Variants in CDH8 observed in about 807,000 individuals in gnomAD.
The protein encoded by CDH8 is cadherin-8.
CDH8 carries 17 observed loss-of-function variants against 68.1 expected under a neutral mutation model. The ratio of observed to expected loss-of-function variants is 0.25; its 90% CI spans 0.17 to 0.37. The LOEUF is 0.37. CDH8 is among the 10% of genes least tolerant of loss of function. The pLI, the probability that CDH8 is intolerant of heterozygous loss-of-function variation, is 1.00. For synonymous variants in CDH8, 372 were observed against 365.1 expected, an observed-to-expected ratio of 1.02 and a Z score of -0.21; for missense variants, 763 against 999.3, an observed-to-expected ratio of 0.76 and a Z score of 3.19.
At chr16:61,797,328 TC>T (rs1472152942) in intron 7 of CDH8, among the ~76,000 whole-genome samples, 1 of 152,096 alleles carries the variant, frequency 6.6e-6, no homozygotes, top group Non-Finnish European at 1.5e-5. Flanking sequence ...TCATTTTTAC[TC>T]CCTGTGACTC....
intron 2 of CDH8, among the ~76,000 whole-genome samples, chr16:61,937,463 C>T (rs549372659): frequency 1.3e-3 from 192 of 152,198 alleles, no homozygotes; most frequent in African/African-American, 4.5e-3. Flanking sequence ...GTCTTAATGC[C>T]GGACATCAGC....
intron 2 of CDH8, among the ~76,000 whole-genome samples, chr16:61,918,887 C>A (rs1030740270): frequency 1.7e-4 from 25 of 150,786 alleles, no homozygotes; most frequent in African/African-American, 6.1e-4. Context: ...AAAAAGACAG[C>A]AGTAACCTCT....
chr16:61,870,321 C>A (rs866743973), intron 3 of CDH8, among the ~76,000 whole-genome samples: 1 of 151,894 alleles, frequency 6.6e-6, no homozygotes, highest in African/African-American at 2.4e-5. Context: ...GTTCGCCAGG[C>A]GGAAAGAAAA....
At chr16:61,919,259 TCTC>T (rs1964315751) in intron 2 of CDH8, among the ~76,000 whole-genome samples, 1 of 147,662 alleles carries the variant, frequency 6.8e-6, no homozygotes, top group African/African-American at 2.5e-5. Flanking sequence ...GCAGAGCGCC[TCTC>T]CTCCTCCAAA....
chr16:61,891,776 T>C (rs1963783275), intron 3 of CDH8, among the ~76,000 whole-genome samples: 1 of 152,158 alleles, frequency 6.6e-6, no homozygotes, highest in South Asian at 2.1e-4. Flanking sequence ...CCCACCCATG[T>C]TTTCCTAAAG....
rs115782450 is a variant in CDH8, at chr16:61,682,848, G to A, written c.1655-27127C>T. ...TTTAAAGTGAAGGTTTAAGTGATTCGTTTTAACATTCCCAACCAATAACTA... is the reference window on the plus strand; with the variant it reads ...TTTAAAGTGAAGGTTTAAGTGATTCATTTTAACATTCCCAACCAATAACTA... On this transcript the variant is annotated intron_variant, in intron 10 of 11. Coordinates refer to ENST00000577390, the MANE Select transcript of CDH8 (RefSeq NM_001796.5). Among the ~76,000 whole-genome samples the A allele has an allele frequency of 9.6e-3, 1,451 of 151,814 alleles. 28 individuals are homozygous for A. The highest frequency in any genetic ancestry group is 0.033 in the African/African-American group (1,374 of 41,396).
intron 9 of CDH8, among the ~76,000 whole-genome samples, chr16:61,717,872 C>T (rs1964760326): frequency 6.6e-6 from 1 of 151,404 alleles, no homozygotes; most frequent in African/African-American, 2.4e-5. Context: ...CATTTATCCT[C>T]ACAATACCTT....
chr16:61,663,159 A>G lies in CDH8; in HGVS notation c.1655-7438T>C, dbSNP rs534383628. On this transcript the variant is annotated intron_variant, in intron 10 of 11. Coordinates refer to ENST00000577390, the MANE Select transcript of CDH8 (RefSeq NM_001796.5). ...AGAAATACAAGGTATGTGCCAAGTA[A>G]ATAGTAAAGAAGAGACCAAATGAAC... Among the ~76,000 whole-genome samples, 7 of 152,114 alleles carry G rather than the reference A, an allele frequency of 4.6e-5. No homozygotes were observed. In the East Asian group the frequency reaches 1.4e-3, roughly 29 times the overall value.
At chr16:61,773,846 T>C (rs1169983463) in intron 8 of CDH8, among the ~76,000 whole-genome samples, 1 of 152,080 alleles carries the variant, frequency 6.6e-6, no homozygotes, top group African/African-American at 2.4e-5. Flanking sequence ...CCTTGTCCTA[T>C]AGAGGCTCTA....
At chr16:61,772,848 C>T (rs762367666) in intron 8 of CDH8, among the ~76,000 whole-genome samples, 8 of 151,936 alleles carry the variant, frequency 5.3e-5, no homozygotes, top group East Asian at 3.9e-4. Context: ...GTGATTCTGA[C>T]GCACCAAAAA....
intron 8 of CDH8, among the ~76,000 whole-genome samples, chr16:61,779,456 TGTGTGTGTGC>T (rs979485845): frequency 6.7e-6 from 1 of 149,552 alleles, no homozygotes; most frequent in African/African-American, 2.5e-5. Context: ...TGTGTGTGTG[TGTGTGTGTGC>T]GCGCATGGTG....
chr16:61,917,622 A>G (rs1397653535), intron 2 of CDH8, among the ~76,000 whole-genome samples: 1 of 152,186 alleles, frequency 6.6e-6, no homozygotes, highest in Admixed American at 6.5e-5. Flanking sequence ...CCTATCTGTA[A>G]GTAACAAATC....
intron 9 of CDH8, among the ~76,000 whole-genome samples, chr16:61,720,022 CA>C (rs1959205462): frequency 6.8e-6 from 1 of 147,732 alleles, no homozygotes; most frequent in African/African-American, 2.5e-5. Context: ...CACACACACA[CA>C]CCAAACCACA....
intron 8 of CDH8, among the ~76,000 whole-genome samples, chr16:61,751,409 A>AAC (rs1960158901): frequency 7.0e-6 from 1 of 142,134 alleles, no homozygotes; most frequent in East Asian, 2.0e-4. Flanking sequence ...AAAAAAAAAA[A>AAC]AACAAGCAGT....
intron 8 of CDH8, among the ~76,000 whole-genome samples, chr16:61,762,243 T>G (rs905733331): frequency 6.6e-6 from 1 of 152,160 alleles, no homozygotes; most frequent in Non-Finnish European, 1.5e-5. Flanking sequence ...CAATTGGGGC[T>G]ATCTGAATAA....
At chr16:61,927,333 T>A (rs1319152342) in intron 2 of CDH8, among the ~76,000 whole-genome samples, 1 of 152,076 alleles carries the variant, frequency 6.6e-6, no homozygotes, top group Non-Finnish European at 1.5e-5. Context: ...TAGATACAGA[T>A]CTTGATTTGC....
At chr16:61,748,354 CAT>C (rs1960078203) in intron 8 of CDH8, among the ~76,000 whole-genome samples, 1 of 151,936 alleles carries the variant, frequency 6.6e-6, no homozygotes, top group African/African-American at 2.4e-5. Context: ...AAACACTTAA[CAT>C]ATGATAATTC....
chr16:61,735,892 G>A (rs11075436), intron 8 of CDH8, among the ~76,000 whole-genome samples: 5,012 of 151,962 alleles, frequency 0.033, 365 homozygotes, highest in East Asian at 0.23. Context: ...GGCCAACATA[G>A]TAAAACCCCG....
intron 8 of CDH8, among the ~76,000 whole-genome samples, chr16:61,771,096 T>G (rs934122075): frequency 6.6e-6 from 1 of 151,968 alleles, no homozygotes; most frequent in African/African-American, 2.4e-5. Flanking sequence ...ATTTGTAGAA[T>G]ATATAATTGC....
Sources: allele counts gnomAD v4.1 joint callset (sites outside exome capture counted in the v4.1 genomes callset), GRCh38; gene constraint gnomAD v4.1.1; transcripts MANE v1.5; gene names NCBI Gene and HGNC (gene_info 2026-07-23, HGNC 2026-07-21).